GALNT18: variants seen among roughly 807,000 people sequenced by gnomAD.
GALNT18 encodes polypeptide N-acetylgalactosaminyltransferase 18, also known as GalNAc-transferase 18.
A neutral mutation model predicts 69.5 loss-of-function variants in GALNT18; 44 were observed. That is an observed-to-expected ratio of 0.63 (90% CI 0.50 to 0.81). The LOEUF (loss-of-function observed/expected upper bound fraction) is 0.81. Ranked by LOEUF, GALNT18 falls within the 40% of genes least tolerant of loss-of-function variation. The probability of loss-of-function intolerance (pLI) is 0.00; values close to 1 mark genes in which losing one functional copy is unlikely to be tolerated. For missense variants in GALNT18, 715 were observed against 810.0 expected (o/e 0.88, Z 1.42); for synonymous variants, 364 against 318.2 (o/e 1.14, Z -1.53).
At chr11:11,296,321 A>T (rs1419252536) in intron 9 of GALNT18, among the ~76,000 whole-genome samples, 1 of 152,136 alleles carries the variant, frequency 6.6e-6, no homozygotes, top group Non-Finnish European at 1.5e-5. Context: ...CATATCCAGA[A>T]AGACTGCCCT....
chr11:11,522,050 A>G (rs573702443), intron 1 of GALNT18, among the ~76,000 whole-genome samples: 2 of 152,168 alleles, frequency 1.3e-5, no homozygotes, highest in Non-Finnish European at 2.9e-5. Context: ...AGAAGACCCT[A>G]GAGCCATGTC....
intron 2 of GALNT18, among the ~76,000 whole-genome samples, chr11:11,438,242 C>T (rs552283667): frequency 3.1e-4 from 47 of 152,234 alleles, no homozygotes; most frequent in African/African-American, 1.1e-3. Flanking sequence ...CTGTCAGCTC[C>T]CAGATGGCAG....
rs1288564959 is a variant in GALNT18, at chr11:11,614,223, C to T, written c.235+7136G>A. On this transcript the variant is annotated intron_variant, in intron 1 of 10. Transcript: ENST00000227756. This position sits in a 1 kb window ranked among gnomAD's most constrained non-coding sequence, Gnocchi z 5.6. ...TTGGCTCATAGTTCTGCAAGCTGTT[C>T]GAAGTCCAGCATCTGCTAGGCTCCT... Among the ~76,000 whole-genome samples the T allele has an allele frequency of 2.0e-5, 3 of 152,012 alleles. No individual in the cohort carries two copies. The highest frequency in any genetic ancestry group is 4.4e-5 in the Non-Finnish European group (3 of 68,010).
chr11:11,611,344 G>A (rs944298947), intron 1 of GALNT18, among the ~76,000 whole-genome samples: 11 of 152,158 alleles, frequency 7.2e-5, no homozygotes, highest in South Asian at 2.1e-4. Flanking sequence ...ATGCCAAAGC[G>A]GAAGGAATAA....
Position 11,546,790 on chromosome 11 carries a change from C to T in GALNT18, c.235+74569G>A, listed in dbSNP as rs1858062189. 6.6e-6 allele frequency among the ~76,000 whole-genome samples: 1 copy of T among 151,628 alleles called. No individual in the cohort carries two copies. Among genetic ancestry groups the T allele is most frequent in the Non-Finnish European group, 1.5e-5 (1 of 67,942 alleles). Reference sequence around the variant, plus strand: ...TCTTATAAATTATCTGAGGACCTGGCATAGAGCAGGCACTCAGATCAATTT... The same window carrying T: ...TCTTATAAATTATCTGAGGACCTGGTATAGAGCAGGCACTCAGATCAATTT... On this transcript the variant is annotated intron_variant, in intron 1 of 10. Transcript: ENST00000227756. The surrounding 1 kb of genome is among the most constrained non-coding windows in gnomAD (Gnocchi z 5.8).
chr11:11,307,575 T>A (rs1039077014), intron 9 of GALNT18, among the ~76,000 whole-genome samples: 2 of 152,246 alleles, frequency 1.3e-5, no homozygotes, highest in South Asian at 2.1e-4. Flanking sequence ...AAAGCCCACC[T>A]CAACCATCAC....
At chr11:11,369,750 G>A (rs7930748) in intron 6 of GALNT18, among the ~76,000 whole-genome samples, 35,809 of 151,372 alleles carry the variant, frequency 0.24, 6,238 homozygotes, top group African/African-American at 0.49. Flanking sequence ...CACTCATTTC[G>A]TTGTGCTTGG....
intron 1 of GALNT18, among the ~76,000 whole-genome samples, chr11:11,544,324 C>T (rs1026023420): frequency 6.6e-6 from 1 of 152,216 alleles, no homozygotes. Flanking sequence ...CAGGCCATCC[C>T]TATTATTAAT....
At chr11:11,407,771 A>G (rs1173776205) in intron 3 of GALNT18, among the ~76,000 whole-genome samples, 1 of 152,228 alleles carries the variant, frequency 6.6e-6, no homozygotes, top group Non-Finnish European at 1.5e-5. Flanking sequence ...AAAGGTTTGG[A>G]AAGCTAAAGG....
rs1185301492 is a variant in GALNT18, at chr11:11,591,946, T to C, written c.235+29413A>G. Among the ~76,000 whole-genome samples the C allele has an allele frequency of 1.3e-5, 2 of 152,236 alleles. No homozygotes were observed. The highest frequency in any genetic ancestry group is 2.1e-4 in the South Asian group (1 of 4,836). ...AATTCCTATCCCAACACATGCTGACTGAGTGACCTCAGATACATGATTTAA... is the reference window on the plus strand; with the variant it reads ...AATTCCTATCCCAACACATGCTGACCGAGTGACCTCAGATACATGATTTAA... On this transcript the variant is annotated intron_variant, in intron 1 of 10. Transcript: ENST00000227756. This position sits in a 1 kb window ranked among gnomAD's most constrained non-coding sequence, Gnocchi z 4.8.
chr11:11,565,986 T>C (rs1041026473), intron 1 of GALNT18, among the ~76,000 whole-genome samples: 2 of 152,154 alleles, frequency 1.3e-5, no homozygotes, highest in South Asian at 2.1e-4. Flanking sequence ...GGTAGTTCCA[T>C]AGAGCTGGGA....
At chr11:11,504,100 T>C (rs573414900) in intron 1 of GALNT18, among the ~76,000 whole-genome samples, 1 of 152,374 alleles carries the variant, frequency 6.6e-6, no homozygotes, top group South Asian at 2.1e-4. Flanking sequence ...AAGTTCTGCC[T>C]TTACACAGTT....
chr11:11,410,342 C>T (rs1292971786), intron 3 of GALNT18, among the ~76,000 whole-genome samples: 1 of 152,162 alleles, frequency 6.6e-6, no homozygotes, highest in East Asian at 1.9e-4. Context: ...TTGAGAGTGC[C>T]ACCTGCTCCT....
chr11:11,509,997 AG>A (rs1191071964), intron 1 of GALNT18, among the ~76,000 whole-genome samples: 1 of 152,214 alleles, frequency 6.6e-6, no homozygotes, highest in East Asian at 1.9e-4. Flanking sequence ...CTTCCAGCAG[AG>A]CACCCAAGGT....
rs1425454432 is a variant in GALNT18, at chr11:11,347,449, G to T, written c.1093-6445C>A. Among the ~76,000 whole-genome samples, 1 of 152,140 alleles carries T rather than the reference G, an allele frequency of 6.6e-6. No individual in the cohort carries two copies. The highest frequency in any genetic ancestry group is 2.4e-5 in the African/African-American group (1 of 41,434). On this transcript the variant is annotated intron_variant, in intron 6 of 10. Transcript: ENST00000227756. The surrounding 1 kb of genome is among the most constrained non-coding windows in gnomAD (Gnocchi z 4.0). ...ATATCCTTCTGAAGCACTGTGTTGG[G>T]AAGAATTCTGAGGCTCTGTCCAGTC...
rs1299505965 is a variant in GALNT18, at chr11:11,596,146, T to TC, written c.235+25212dup. Among the ~76,000 whole-genome samples the TC allele has an allele frequency of 2.0e-5, 3 of 152,110 alleles. No homozygotes were observed. Among genetic ancestry groups the TC allele is most frequent in the Admixed American group, 1.3e-4 (2 of 15,270 alleles). On this transcript the variant is annotated intron_variant, in intron 1 of 10. Coordinates refer to ENST00000227756, the MANE Select transcript of GALNT18 (RefSeq NM_198516.3). This position sits in a 1 kb window ranked among gnomAD's most constrained non-coding sequence, Gnocchi z 4.2. Reference sequence around the variant, plus strand: ...CACCATGTGTTAAAAGACTATTCTTTCCCCCCTTTAAATTGTTTGAGCATC... The same window carrying TC: ...CACCATGTGTTAAAAGACTATTCTTTCCCCCCCTTTAAATTGTTTGAGCATC...
At chr11:11,489,880 G>A (rs996941466) in intron 1 of GALNT18, among the ~76,000 whole-genome samples, 6 of 152,100 alleles carry the variant, frequency 3.9e-5, no homozygotes, top group East Asian at 1.9e-4. Flanking sequence ...CAGAGCCAAC[G>A]GTGGTCAGAG....
At chr11:11,488,059 T>C (rs906857437) in intron 1 of GALNT18, among the ~76,000 whole-genome samples, 3 of 152,242 alleles carry the variant, frequency 2.0e-5, no homozygotes, top group Admixed American at 6.5e-5. Flanking sequence ...AAGCTATTTA[T>C]TCTCCCTAAA....
chr11:11,453,003 A>G (rs1262584745), intron 1 of GALNT18, among the ~76,000 whole-genome samples: 1 of 152,128 alleles, frequency 6.6e-6, no homozygotes, highest in Non-Finnish European at 1.5e-5. Flanking sequence ...GAGGATTCTG[A>G]GCACAACACA....
Sources: allele counts gnomAD v4.1 joint callset (sites outside exome capture counted in the v4.1 genomes callset), GRCh38; gene constraint gnomAD v4.1.1; non-coding constraint Gnocchi (gnomAD v3.1); transcripts MANE v1.5; gene names NCBI Gene and HGNC (gene_info 2026-07-23, HGNC 2026-07-21).